Variants in CCR5AS observed in about 807,000 individuals in gnomAD.
The protein encoded by CCR5AS is CCR5 antisense RNA.
chr3:46,373,117 T>C (rs769515720), intron 2 of CCR5AS: 1 of 1,614,184 alleles, frequency 6.2e-7, no homozygotes, highest in Non-Finnish European at 8.5e-7. Context: ...CTGCTCAACC[T>C]GGCCATCTCT....
chr3:46,377,198 C>T (rs3087253), intron 2 of CCR5AS, among the ~76,000 whole-genome samples: 95,250 of 152,062 alleles, frequency 0.63, 30,847 homozygotes, highest in East Asian at 0.81. Flanking sequence ...TGTCTTCCAA[C>T]GTTAGCACGA....
intron 1 of CCR5AS, among the ~76,000 whole-genome samples, chr3:46,403,586 C>T (rs900348549): frequency 6.6e-6 from 1 of 152,192 alleles, no homozygotes; most frequent in Non-Finnish European, 1.5e-5. Context: ...AATGCCCTCC[C>T]TCCCCAGCTG....
intron 1 of CCR5AS, among the ~76,000 whole-genome samples, chr3:46,404,128 A>G (rs538071549): frequency 6.6e-6 from 1 of 152,278 alleles, no homozygotes; most frequent in South Asian, 2.1e-4. Context: ...CAATATATTA[A>G]GAAGAATATG....
At chr3:46,373,777 T>G (rs773341558) in intron 2 of CCR5AS, 2 of 1,613,698 alleles carry the variant, frequency 1.2e-6, no homozygotes, top group Non-Finnish European at 1.7e-6. Context: ...CACTGCTGCA[T>G]CAACCCCATC....
At chr3:46,369,185 T>C (rs1173930422) in intron 3 of CCR5AS, among the ~76,000 whole-genome samples, 4 of 152,218 alleles carry the variant, frequency 2.6e-5, no homozygotes, top group Non-Finnish European at 5.9e-5. Flanking sequence ...TGAGTAAGTT[T>C]GTATTTGGGT....
intron 1 of CCR5AS, among the ~76,000 whole-genome samples, chr3:46,395,660 C>A (rs1361314555): frequency 6.6e-6 from 1 of 152,190 alleles, no homozygotes; most frequent in Non-Finnish European, 1.5e-5. Flanking sequence ...CAAAGGAATA[C>A]AAAGTAATGT....
intron 2 of CCR5AS, among the ~76,000 whole-genome samples, chr3:46,385,142 A>G (rs1021228366): frequency 2.6e-5 from 4 of 152,206 alleles, no homozygotes; most frequent in African/African-American, 9.7e-5. Context: ...TTAGCTATTT[A>G]TCACTCCACA....
chr3:46,382,065 A>C (rs1454588352), intron 2 of CCR5AS, among the ~76,000 whole-genome samples: 2 of 152,244 alleles, frequency 1.3e-5, no homozygotes, highest in African/African-American at 4.8e-5. Flanking sequence ...ATTGAGCTGC[A>C]GACATAGATA....
intron 1 of CCR5AS, among the ~76,000 whole-genome samples, chr3:46,405,497 T>G (rs888620020): frequency 4.6e-5 from 7 of 151,980 alleles, no homozygotes; most frequent in Non-Finnish European, 7.4e-5. Flanking sequence ...GTATCGAGAG[T>G]AAAGCTGCCC....
chr3:46,403,339 C>T (rs1387054199), intron 1 of CCR5AS, among the ~76,000 whole-genome samples: 1 of 152,174 alleles, frequency 6.6e-6, no homozygotes, highest in Admixed American at 6.5e-5. Context: ...AGGCATCATC[C>T]TAGCATTTCC....
intron 3 of CCR5AS, among the ~76,000 whole-genome samples, chr3:46,368,949 C>T (rs893137283): frequency 4.6e-5 from 7 of 152,228 alleles, no homozygotes; most frequent in Non-Finnish European, 8.8e-5. Context: ...TCCGGGGGTT[C>T]TGCACAAGTG....
chr3:46,373,903 G>A (rs764318467), intron 2 of CCR5AS: 39 of 1,608,354 alleles, frequency 2.4e-5, no homozygotes, highest in African/African-American at 1.5e-4. Flanking sequence ...GCTCCCGAGC[G>A]AGCAAGCTCA....
intron 1 of CCR5AS, among the ~76,000 whole-genome samples, chr3:46,395,804 C>G (rs1021965457): frequency 4.6e-5 from 7 of 152,218 alleles, no homozygotes; most frequent in African/African-American, 1.4e-4. Flanking sequence ...AGGACAGGAC[C>G]AGCCTCTGAA....
At chr3:46,392,030 G>A (rs958727803) in intron 2 of CCR5AS, among the ~76,000 whole-genome samples, 5 of 152,118 alleles carry the variant, frequency 3.3e-5, no homozygotes, top group Non-Finnish European at 5.9e-5. Flanking sequence ...CCCATTTTAC[G>A]ACAAAAATTA....
At chr3:46,404,383 G>C (rs912724180) in intron 1 of CCR5AS, among the ~76,000 whole-genome samples, 3 of 141,330 alleles carry the variant, frequency 2.1e-5, no homozygotes, top group Non-Finnish European at 4.5e-5. Flanking sequence ...CACCCAGGCC[G>C]GAGTGCAGTG....
At chr3:46,367,289 A>G (rs1701608218) in intron 3 of CCR5AS, among the ~76,000 whole-genome samples, 1 of 152,050 alleles carries the variant, frequency 6.6e-6, no homozygotes, top group Non-Finnish European at 1.5e-5. Context: ...TTCTTCCTCA[A>G]TAAAAATAAT....
At chr3:46,376,385 C>A (rs1172124552) in intron 2 of CCR5AS, among the ~76,000 whole-genome samples, 1 of 152,084 alleles carries the variant, frequency 6.6e-6, no homozygotes, top group African/African-American at 2.4e-5. Flanking sequence ...TTAAAATTGA[C>A]CCTTTTCCTG....
chr3:46,385,741 A>T (rs532572962), intron 2 of CCR5AS, among the ~76,000 whole-genome samples: 3,048 of 150,748 alleles, frequency 0.02, 61 homozygotes, highest in African/African-American at 0.051. Flanking sequence ...TTTATTTATT[A>T]TTTATTTATT....
At chr3:46,379,897 AAAATAAAT>A (rs60485134) in intron 2 of CCR5AS, among the ~76,000 whole-genome samples, 66,671 of 146,264 alleles carry the variant, frequency 0.46, 15,329 homozygotes, top group East Asian at 0.55. Context: ...ACTCTGTCTC[AAAATAAAT>A]AAATAAATAA....
Sources: allele counts gnomAD v4.1 joint callset (sites outside exome capture counted in the v4.1 genomes callset), GRCh38; gene constraint gnomAD v4.1.1; transcripts MANE v1.5; gene names NCBI Gene and HGNC (gene_info 2026-07-23, HGNC 2026-07-21).